SKIC3: variants seen among roughly 807,000 people sequenced by gnomAD.
The protein encoded by SKIC3 is SKI3 subunit of superkiller complex, also known as superkiller complex protein 3.
the SKIC3 span, among the ~76,000 whole-genome samples, chr5:95,491,537 G>A: frequency 6.6e-6 from 1 of 152,288 alleles, no homozygotes; most frequent in Admixed American, 6.5e-5. Context: ...CATTCCAAGT[G>A]AAGCATTTAT....
chr5:95,545,851 C>A, the SKIC3 span, among the ~76,000 whole-genome samples: 1 of 152,074 alleles, frequency 6.6e-6, no homozygotes, highest in African/African-American at 2.4e-5. Flanking sequence ...TGTTGATATC[C>A]CGTTGAACAC....
chr5:95,517,943 G>A, the SKIC3 span, among the ~76,000 whole-genome samples: 1 of 151,938 alleles, frequency 6.6e-6, no homozygotes, highest in Admixed American at 6.6e-5. Context: ...AAAAGGGTAG[G>A]TTCAGTCCCA....
the SKIC3 span, chr5:95,547,107 T>C: frequency 6.2e-7 from 1 of 1,613,364 alleles, no homozygotes; most frequent in Non-Finnish European, 8.5e-7. Flanking sequence ...TCTGATTGCA[T>C]CTCTAGCACT....
At chr5:95,534,726 C>G in the SKIC3 span, among the ~76,000 whole-genome samples, 1 of 152,058 alleles carries the variant, frequency 6.6e-6, no homozygotes, top group Non-Finnish European at 1.5e-5. Context: ...TCATCTCTTT[C>G]CCTCCAAGCC....
chr5:95,528,007 G>A, the SKIC3 span: 1 of 1,613,424 alleles, frequency 6.2e-7, no homozygotes, highest in Non-Finnish European at 8.5e-7. Context: ...AACTTGACAA[G>A]TCTACCTGAT....
the SKIC3 span, chr5:95,516,239 T>C: frequency 9.9e-7 from 1 of 1,007,752 alleles, no homozygotes; most frequent in South Asian, 1.4e-5. Flanking sequence ...GAGAGCATAC[T>C]GGCTAGATAA....
At chr5:95,535,307 A>AT in the SKIC3 span, among the ~76,000 whole-genome samples, 13,188 of 91,806 alleles carry the variant, frequency 0.14, 1,337 homozygotes, top group African/African-American at 0.29. Flanking sequence ...GGTAACAGCA[A>AT]TTTTTTTTTT....
the SKIC3 span, among the ~76,000 whole-genome samples, chr5:95,497,195 C>T: frequency 1.4e-4 from 21 of 152,210 alleles, 1 homozygote; most frequent in South Asian, 6.2e-4. Flanking sequence ...CTTCTTTGTA[C>T]GTCTTTGTAG....
the SKIC3 span, among the ~76,000 whole-genome samples, chr5:95,499,601 T>G: frequency 6.6e-6 from 1 of 152,108 alleles, no homozygotes; most frequent in African/African-American, 2.4e-5. Flanking sequence ...AGGTAAGTAA[T>G]TAGCACAATT....
the SKIC3 span, among the ~76,000 whole-genome samples, chr5:95,496,726 CAGTA>C: frequency 3.4e-4 from 52 of 152,172 alleles, no homozygotes; most frequent in Non-Finnish European, 2.9e-5. Flanking sequence ...GAATGAAAAT[CAGTA>C]GGAATAACGA....
At chr5:95,539,038 T>G in the SKIC3 span, among the ~76,000 whole-genome samples, 1 of 152,278 alleles carries the variant, frequency 6.6e-6, no homozygotes, top group South Asian at 2.1e-4. Context: ...CCAATTCCAC[T>G]CCATCCAGAC....
At chr5:95,478,945 G>A in the SKIC3 span, among the ~76,000 whole-genome samples, 110 of 151,966 alleles carry the variant, frequency 7.2e-4, no homozygotes, top group Non-Finnish European at 1.2e-3. Context: ...TCTACCTGAG[G>A]TAAGAAGAAG....
At chr5:95,531,719 C>T in the SKIC3 span, among the ~76,000 whole-genome samples, 1 of 152,246 alleles carries the variant, frequency 6.6e-6, no homozygotes, top group Non-Finnish European at 1.5e-5. Flanking sequence ...GATGCTGATG[C>T]TACTGGTCCA....
the SKIC3 span, chr5:95,514,749 A>G: frequency 2.6e-6 from 3 of 1,160,792 alleles, no homozygotes; most frequent in Non-Finnish European, 3.7e-6. Flanking sequence ...ACTGGCACAA[A>G]GTAAGCCCTC....
At chr5:95,470,102 G>C in the SKIC3 span, among the ~76,000 whole-genome samples, 14 of 151,298 alleles carry the variant, frequency 9.3e-5, no homozygotes, top group East Asian at 1.9e-4. Context: ...CTCAGCCTCC[G>C]GAGTAGCTGG....
the SKIC3 span, chr5:95,550,628 A>T: frequency 6.6e-6 from 1 of 152,416 alleles, no homozygotes; most frequent in South Asian, 2.1e-4. Flanking sequence ...ATTGAATTTG[A>T]TTGTTCCTTA....
chr5:95,471,140 C>T, the SKIC3 span, among the ~76,000 whole-genome samples: 2 of 152,100 alleles, frequency 1.3e-5, no homozygotes, highest in East Asian at 3.8e-4. Context: ...GGTTATGATG[C>T]ATCTTCTATA....
chr5:95,501,250 A>G, the SKIC3 span, among the ~76,000 whole-genome samples: 14 of 152,162 alleles, frequency 9.2e-5, no homozygotes. Flanking sequence ...TTATGACTGA[A>G]ATGACTACAT....
the SKIC3 span, among the ~76,000 whole-genome samples, chr5:95,502,484 T>A: frequency 6.6e-6 from 1 of 152,192 alleles, no homozygotes; most frequent in African/African-American, 2.4e-5. Flanking sequence ...TTTAAAAAGA[T>A]TTACCTTTAA....
Sources: gnomAD v4.1 joint callset for allele counts (sites outside exome capture counted in the v4.1 genomes callset) on GRCh38, gnomAD v4.1.1 for gene constraint, MANE v1.5 for transcripts, NCBI Gene and HGNC (gene_info 2026-07-23, HGNC 2026-07-21) for gene names.